The following ZNF280D variants were observed in gnomAD, a reference collection of about 807,000 sequenced individuals.
ZNF280D encodes the protein suppressor of hairy wing homolog 4.
Under a neutral mutation model 94.7 loss-of-function variants are expected in ZNF280D, and 39 were observed. That is an observed-to-expected ratio of 0.41 (90% CI 0.32 to 0.54). The LOEUF (loss-of-function observed/expected upper bound fraction) is 0.54. ZNF280D is among the 20% of genes least tolerant of loss of function. The pLI, the probability that ZNF280D is intolerant of heterozygous loss-of-function variation, is 0.22. For missense variants in ZNF280D, 1,090 were observed against 1,149.3 expected (o/e 0.95, Z 0.75); for synonymous variants, 398 against 377.6 (o/e 1.05, Z -0.63).
intron 16 of ZNF280D, among the ~76,000 whole-genome samples, chr15:56,665,013 A>T (rs2054192090): frequency 1.3e-5 from 2 of 152,174 alleles, no homozygotes; most frequent in Non-Finnish European, 2.9e-5. Flanking sequence ...AGTTTATAGG[A>T]AGAGATTTAA....
chr15:56,733,203 G>A (rs1007921612), intron 1 of ZNF280D, among the ~76,000 whole-genome samples: 2 of 152,202 alleles, frequency 1.3e-5, no homozygotes, highest in East Asian at 1.9e-4. Context: ...AGGCCTGCGC[G>A]GCCCAGGCCT....
At chr15:56,705,976 C>T (rs1331221280) in intron 3 of ZNF280D, among the ~76,000 whole-genome samples, 1 of 150,318 alleles carries the variant, frequency 6.7e-6, no homozygotes, top group Non-Finnish European at 1.5e-5. Context: ...ATAGGCTGAA[C>T]TGTGTTTTCT....
chr15:56,658,336 T>C, intron 17 of ZNF280D, 88 bp downstream of exon 17: 3 of 906,008 alleles, frequency 3.3e-6, no homozygotes, highest in Non-Finnish European at 5.2e-6. Flanking sequence ...GGTATGCTAA[T>C]TCTACCTCAA....
chr15:56,653,427 G>C, intron 19 of ZNF280D: 1 of 1,413,520 alleles, frequency 7.1e-7, no homozygotes, highest in South Asian at 1.6e-5. Flanking sequence ...CATGTAGAAA[G>C]GGAGTCTCCC....
intron 16 of ZNF280D, among the ~76,000 whole-genome samples, chr15:56,663,281 C>CAAAAA (rs59183252): frequency 5.9e-5 from 6 of 102,462 alleles, no homozygotes; most frequent in Admixed American, 2.2e-4. Flanking sequence ...GACCCTTTCT[C>CAAAAA]AAAAAAAAAA....
chr15:56,653,406 G>T (rs1186634420), intron 19 of ZNF280D: 11 of 1,365,656 alleles, frequency 8.1e-6, no homozygotes, highest in Non-Finnish European at 1.0e-5. Context: ...TCAGCCTTAT[G>T]GGAGGCCAGC....
At chr15:56,715,863 C>A (rs1035803546) in intron 1 of ZNF280D, among the ~76,000 whole-genome samples, 3 of 152,104 alleles carry the variant, frequency 2.0e-5, no homozygotes, top group African/African-American at 7.2e-5. Flanking sequence ...TTCAACCAAC[C>A]ATGGACTGAA....
rs944965200 is a variant in ZNF280D at position 56,733,507 on chromosome 15, G to A, written c.-135C>T. 1.6e-5 allele frequency: 18 copies of A among 1,150,358 alleles called. No individual in the cohort carries two copies. The Admixed American group carries it at 3.4e-4, about 22-fold the overall frequency. 71.3% of individuals were successfully genotyped at this position (1,150,358 alleles called of 1,614,324 possible). A position where few individuals can be genotyped will look rare whatever the true frequency, so the allele number is the denominator to read the frequency against. The stretch of plus-strand genomic sequence containing the variant: ...CTGGAGCCCTGAGGAGGAGGAGAAA[G>A]AGGAGGAGGAAAAGGAGGAGCACGA... On this transcript the variant is annotated 5_prime_UTR_variant, in exon 1 of 22. Coordinates refer to ENST00000267807, the MANE Select transcript of ZNF280D (RefSeq NM_017661.4).
At chr15:56,694,784 C>A (rs2056647292) in intron 6 of ZNF280D, among the ~76,000 whole-genome samples, 1 of 151,640 alleles carries the variant, frequency 6.6e-6, no homozygotes, top group African/African-American at 2.4e-5. Flanking sequence ...GGATACTGGG[C>A]AGGAAAAAGA....
rs546356111 is a variant in ZNF280D, at chr15:56,704,508, G to T, written c.29-241C>A. Among the ~76,000 whole-genome samples, 28 of 152,224 alleles carry T rather than the reference G, an allele frequency of 1.8e-4. No homozygotes were observed. In the South Asian group the frequency reaches 5.6e-3, roughly 30 times the overall value. ...TGACAGTAGTTATTTACCGTAGACA[G>T]AAAATTTGGAAGTCAAATTCAGTGA... On this transcript the variant is annotated intron_variant, in intron 3 of 21. Transcript: ENST00000267807.
chr15:56,636,130 A>G (rs2052339327), intron 20 of ZNF280D, among the ~76,000 whole-genome samples: 1 of 152,178 alleles, frequency 6.6e-6, no homozygotes, highest in African/African-American at 2.4e-5. Flanking sequence ...AGGGCAAAGA[A>G]ATAAAATATT....
intron 7 of ZNF280D, among the ~76,000 whole-genome samples, chr15:56,689,860 G>A (rs1480535872): frequency 1.3e-5 from 2 of 151,658 alleles, no homozygotes. Flanking sequence ...ACTAGAGTTT[G>A]TAAAAAAACA....
At chr15:56,669,839 T>C (rs1329088122) in intron 13 of ZNF280D, among the ~76,000 whole-genome samples, 1 of 77,650 alleles carries the variant, frequency 1.3e-5, no homozygotes, top group African/African-American at 4.7e-5. Context: ...TCAACTGCAA[T>C]TTTTACCCTC....
Position 56,631,624 on chromosome 15 carries a change from A to G in ZNF280D, c.2814T>C (p.Gly938=), listed in dbSNP as rs1189829882. ...EYEATEILQK[G]SGDPSAKTDE... is the part of the protein sequence containing the mutation. ...CAGTCTTGGCTGAAGGATCACCACT[A>G]CCTTTCTGAAGAATCTCTGTGGCTT... Residue 938 remains glycine, a synonymous_variant, in exon 22 of 22, where the codon GGT becomes GGC. Coordinates refer to ENST00000267807, the MANE Select transcript of ZNF280D (RefSeq NM_017661.4). 6.1e-5 allele frequency: 99 copies of G among 1,613,976 alleles called. No homozygotes were observed. Among genetic ancestry groups the G allele is most frequent in the Non-Finnish European group, 8.3e-5 (98 of 1,180,012 alleles).
chr15:56,708,781 G>A (rs1001373874), intron 1 of ZNF280D, among the ~76,000 whole-genome samples: 2 of 152,142 alleles, frequency 1.3e-5, no homozygotes, highest in African/African-American at 4.8e-5. Context: ...TTAATAAATG[G>A]TGCTGGGAAA....
chr15:56,690,050 T>C (rs776482469), intron 7 of ZNF280D, among the ~76,000 whole-genome samples: 2 of 152,148 alleles, frequency 1.3e-5, no homozygotes, highest in Non-Finnish European at 2.9e-5. Flanking sequence ...AAAGTGGAAA[T>C]AACTAATCTT....
intron 1 of ZNF280D, among the ~76,000 whole-genome samples, chr15:56,731,445 T>C (rs1432364860): frequency 7.3e-6 from 1 of 136,466 alleles, no homozygotes; most frequent in African/African-American, 2.7e-5. Flanking sequence ...AGGTCAAGGA[T>C]GCAGCGAGCC....
chr15:56,659,722 C>G (rs147357707), intron 16 of ZNF280D, among the ~76,000 whole-genome samples: 36 of 151,988 alleles, frequency 2.4e-4, no homozygotes, highest in African/African-American at 8.7e-4. Context: ...CCCCATCCCC[C>G]GTGACAACCC....
chr15:56,649,428 T>C (rs1416497938), intron 19 of ZNF280D, among the ~76,000 whole-genome samples: 1 of 152,162 alleles, frequency 6.6e-6, no homozygotes, highest in Non-Finnish European at 1.5e-5. Flanking sequence ...TGCAATTACA[T>C]ACCAGGAGCA....
Sources: gnomAD v4.1 joint callset for allele counts (sites outside exome capture counted in the v4.1 genomes callset) on GRCh38, gnomAD v4.1.1 for gene constraint, MANE v1.5 for transcripts, NCBI Gene and HGNC (gene_info 2026-07-23, HGNC 2026-07-21) for gene names.